Variants in IQGAP2 observed in about 807,000 individuals in gnomAD.
The protein encoded by IQGAP2 is ras GTPase-activating-like protein IQGAP2.
A neutral mutation model predicts 201.3 loss-of-function variants in IQGAP2; 173 were observed. The ratio of observed to expected loss-of-function variants is 0.86; its 90% CI spans 0.76 to 0.98. IQGAP2 has a LOEUF of 0.98. IQGAP2 is among the 50% of genes least tolerant of loss of function. IQGAP2 has a pLI of 0.00. For missense variants in IQGAP2, 1,687 were observed against 1,864.8 expected, an observed-to-expected ratio of 0.90 and a Z score of 1.76; for synonymous variants, 675 against 673.9, an observed-to-expected ratio of 1.00 and a Z score of -0.03.
At chr5:76,491,603 C>T (rs1306193666) in intron 2 of IQGAP2, among the ~76,000 whole-genome samples, 5 of 152,078 alleles carry the variant, frequency 3.3e-5, no homozygotes, top group Non-Finnish European at 7.4e-5. Context: ...CGCACCTGGC[C>T]GATATGCAGG....
chr5:76,478,001 CAA>C (rs1196960716), intron 2 of IQGAP2, among the ~76,000 whole-genome samples: 1 of 145,448 alleles, frequency 6.9e-6, no homozygotes. Context: ...AGTTAAAATT[CAA>C]AAGTTTATAA....
chr5:76,566,047 G>A (rs1744724178), intron 3 of IQGAP2, among the ~76,000 whole-genome samples: 1 of 152,064 alleles, frequency 6.6e-6, no homozygotes, highest in African/African-American at 2.4e-5. Context: ...TTGTAGGGAA[G>A]GAAGATAAAG....
chr5:76,517,064 G>A (rs528305374), intron 2 of IQGAP2, among the ~76,000 whole-genome samples: 1 of 152,164 alleles, frequency 6.6e-6, no homozygotes, highest in East Asian at 1.9e-4. Flanking sequence ...AAAACCAGGA[G>A]CCAGAGACCA....
chr5:76,554,596 T>A (rs1169094862), intron 2 of IQGAP2, among the ~76,000 whole-genome samples: 1 of 152,080 alleles, frequency 6.6e-6, no homozygotes, highest in Non-Finnish European at 1.5e-5. Flanking sequence ...GAAATGAAAA[T>A]CAAAACCATA....
intron 5 of IQGAP2, among the ~76,000 whole-genome samples, chr5:76,586,348 T>TAA (rs532292018): frequency 2.1e-5 from 3 of 141,738 alleles, no homozygotes; most frequent in East Asian, 4.1e-4. Context: ...ACACATATGG[T>TAA]AAAAAAAAAA....
chr5:76,433,391 C>T (rs948016357), intron 1 of IQGAP2, among the ~76,000 whole-genome samples: 2 of 152,304 alleles, frequency 1.3e-5, no homozygotes, highest in African/African-American at 4.8e-5. Context: ...CTGCTGAAAG[C>T]CACAGCTCCC....
intron 1 of IQGAP2, among the ~76,000 whole-genome samples, chr5:76,408,936 G>T (rs1750947212): frequency 6.6e-6 from 1 of 151,944 alleles, no homozygotes. Context: ...GGGACTACAG[G>T]AATGCACCAC....
At chr5:76,455,061 C>T (rs1421836266) in intron 1 of IQGAP2, among the ~76,000 whole-genome samples, 13 of 152,128 alleles carry the variant, frequency 8.5e-5, no homozygotes, top group South Asian at 6.2e-4. Context: ...ATTTACACAG[C>T]GGACCAAATG....
chr5:76,667,689 C>G (rs1185266092), intron 22 of IQGAP2, among the ~76,000 whole-genome samples: 1 of 152,086 alleles, frequency 6.6e-6, no homozygotes, highest in Non-Finnish European at 1.5e-5. Flanking sequence ...GACCTTCACC[C>G]CTCTCTTCAG....
intron 1 of IQGAP2, among the ~76,000 whole-genome samples, chr5:76,413,628 A>C (rs1288157683): frequency 6.6e-6 from 1 of 152,230 alleles, no homozygotes; most frequent in Non-Finnish European, 1.5e-5. Context: ...GGTGGGGAGA[A>C]CATTTGGACT....
At chr5:76,650,186 A>T (rs1752406050) in intron 17 of IQGAP2, among the ~76,000 whole-genome samples, 2 of 152,202 alleles carry the variant, frequency 1.3e-5, no homozygotes, top group South Asian at 2.1e-4. Context: ...TTGGGTGGGG[A>T]TGCAAATCCA....
rs929522051 is a variant in IQGAP2 at position 76,555,851 on chromosome 5, G to A, written c.147-6545G>A. On this transcript the variant is annotated intron_variant, in intron 2 of 35. Transcript: ENST00000274364. ...GTTTATCCATGGGAGGTTTTCCTGA[G>A]CCACACTTAGGGGTGGTGCACCTCT... Among the ~76,000 whole-genome samples the A allele has an allele frequency of 7.9e-5, 12 of 152,254 alleles. No homozygotes were observed. In the East Asian group the frequency reaches 2.3e-3, roughly 29 times the overall value.
At chr5:76,532,300 A>G (rs1160884276) in intron 2 of IQGAP2, among the ~76,000 whole-genome samples, 1 of 152,128 alleles carries the variant, frequency 6.6e-6, no homozygotes, top group African/African-American at 2.4e-5. Flanking sequence ...TGAGGCTAGG[A>G]GTTTGAGTCC....
intron 2 of IQGAP2, among the ~76,000 whole-genome samples, chr5:76,472,819 T>C (rs1342322113): frequency 6.6e-6 from 1 of 152,240 alleles, no homozygotes; most frequent in Non-Finnish European, 1.5e-5. Flanking sequence ...CCAAAGTTTA[T>C]ATTTGTTTCT....
intron 21 of IQGAP2, 106 bp downstream of exon 21, chr5:76,658,773 G>C (rs916079074): frequency 1.2e-5 from 12 of 972,548 alleles, no homozygotes; most frequent in Admixed American, 4.5e-5. Flanking sequence ...TGTAGCATTA[G>C]GTGATTTCAT....
chr5:76,436,517 A>ATTTT (rs1166580477), intron 1 of IQGAP2, among the ~76,000 whole-genome samples: 3 of 21,038 alleles, frequency 1.4e-4, no homozygotes, highest in Admixed American at 1.0e-3. Flanking sequence ...ATATATATAT[A>ATTTT]TTTTTTTTTT....
intron 2 of IQGAP2, among the ~76,000 whole-genome samples, chr5:76,540,812 C>T (rs562543677): frequency 9.0e-4 from 137 of 152,212 alleles, no homozygotes; most frequent in Non-Finnish European, 1.4e-3. Flanking sequence ...ATGATGGCCC[C>T]GGGGAAGATT....
chr5:76,421,616 C>T (rs1751733418), intron 1 of IQGAP2, among the ~76,000 whole-genome samples: 2 of 150,536 alleles, frequency 1.3e-5, no homozygotes, highest in African/African-American at 5.0e-5. Flanking sequence ...GACCCTGTCT[C>T]ATAAAAAAAA....
intron 2 of IQGAP2, among the ~76,000 whole-genome samples, chr5:76,516,717 T>C (rs935604325): frequency 3.3e-5 from 5 of 152,214 alleles, no homozygotes; most frequent in Non-Finnish European, 7.3e-5. Flanking sequence ...TAGCCACAGA[T>C]GTTAACTGAC....
Sources: allele counts gnomAD v4.1 joint callset (sites outside exome capture counted in the v4.1 genomes callset), GRCh38; gene constraint gnomAD v4.1.1; transcripts MANE v1.5; gene names NCBI Gene and HGNC (gene_info 2026-07-23, HGNC 2026-07-21).